Variants in ZNF407 observed in about 807,000 individuals in gnomAD.
The protein encoded by ZNF407 is zinc finger protein 407.
ZNF407 carries 17 observed loss-of-function variants against 131.2 expected under a neutral mutation model. That is an observed-to-expected ratio of 0.13 (90% CI 0.09 to 0.19). ZNF407 has a LOEUF of 0.19. Ranked by LOEUF, ZNF407 falls within the 10% of genes least tolerant of loss-of-function variation. ZNF407 has a pLI of 1.00. For missense variants in ZNF407, 2,681 were observed against 2,830.6 expected, an observed-to-expected ratio of 0.95 and a Z score of 1.20; for synonymous variants, 1,156 against 1,062.0, an observed-to-expected ratio of 1.09 and a Z score of -1.72.
chr18:74,635,374 C>T lies in ZNF407; in HGVS notation c.4355C>T (p.Ser1452Leu), dbSNP rs1275175433. The T allele has an allele frequency of 1.2e-6, 2 of 1,613,798 alleles. No individual in the cohort carries two copies. Among genetic ancestry groups the T allele is most frequent in the Non-Finnish European group, 8.5e-7 (1 of 1,179,862 alleles). Residue 1452 changes from serine to leucine, a missense_variant, in exon 2 of 9, where the codon TCG becomes TTG. Physicochemically the swap from Ser to Leu is moderately radical, Grantham distance 145. Around this residue, in one of 6 missense-constraint regions of ZNF407, gnomAD observed 213 missense variants for 332.2 expected, o/e 0.64. Transcript: ENST00000299687. The surrounding 1 kb of genome is among the most constrained non-coding windows in gnomAD (Gnocchi z 4.7). ...TTCCATTGTTTACTCTGTGGAAAGT[C>T]GTTCTATACCGAAAGCAACCTTCAC... Reference protein sequence around the residue: ...KHFHCLLCGKSFYTESNLHQH... With the variant: ...KHFHCLLCGKLFYTESNLHQH...
chr18:74,980,445 A>G (rs900621954), intron 8 of ZNF407, among the ~76,000 whole-genome samples: 1 of 152,022 alleles, frequency 6.6e-6, no homozygotes, highest in African/African-American at 2.4e-5. Flanking sequence ...GCTGGGATAC[A>G]GGCACCCACT....
At chr18:74,775,696 C>T (rs1323794154) in intron 3 of ZNF407, among the ~76,000 whole-genome samples, 4 of 152,118 alleles carry the variant, frequency 2.6e-5, no homozygotes, top group Non-Finnish European at 4.4e-5. Flanking sequence ...AAATACCTGA[C>T]GCTGAGTAAT....
At chr18:75,026,931 A>G (rs963962168) in intron 8 of ZNF407, among the ~76,000 whole-genome samples, 1 of 152,210 alleles carries the variant, frequency 6.6e-6, no homozygotes, top group Non-Finnish European at 1.5e-5. Context: ...GTACAGGACT[A>G]CATCAGTAAA....
intron 3 of ZNF407, among the ~76,000 whole-genome samples, chr18:74,687,969 A>G (rs974425978): frequency 6.6e-6 from 1 of 152,180 alleles, no homozygotes; most frequent in Non-Finnish European, 1.5e-5. Flanking sequence ...TCTGAATTAA[A>G]AAGATTAGGC....
At chr18:74,927,192 G>GA (rs113604346) in intron 8 of ZNF407, among the ~76,000 whole-genome samples, 10,636 of 152,136 alleles carry the variant, frequency 0.07, 697 homozygotes, top group East Asian at 0.23. Flanking sequence ...TAATGGTTTT[G>GA]AAAAATCTGT....
intron 3 of ZNF407, among the ~76,000 whole-genome samples, chr18:74,721,554 C>T (rs1036038576): frequency 3.3e-5 from 5 of 152,160 alleles, no homozygotes; most frequent in Admixed American, 2.6e-4. Flanking sequence ...TTGCAGGATA[C>T]GCAGTCAGCA....
intron 8 of ZNF407, among the ~76,000 whole-genome samples, chr18:74,960,967 A>G (rs1462042091): frequency 0.043 from 1,859 of 43,110 alleles, no homozygotes; most frequent in Middle Eastern, 0.097. Context: ...GATAGGAGAA[A>G]GTCCTGAGTG....
chr18:74,866,261 T>C (rs1009923537), intron 4 of ZNF407, among the ~76,000 whole-genome samples: 15 of 152,194 alleles, frequency 9.9e-5, no homozygotes, highest in Non-Finnish European at 1.9e-4. Flanking sequence ...TCTAGAAGTG[T>C]AGTGTAACTG....
chr18:74,851,696 C>T (rs966373346), intron 4 of ZNF407, among the ~76,000 whole-genome samples: 2 of 152,102 alleles, frequency 1.3e-5, no homozygotes, highest in Admixed American at 1.3e-4. Flanking sequence ...ATTCCACTGG[C>T]CAGCAGATTT....
chr18:74,859,061 C>T (rs930738073), intron 4 of ZNF407, among the ~76,000 whole-genome samples: 2 of 152,028 alleles, frequency 1.3e-5, no homozygotes, highest in African/African-American at 4.8e-5. Context: ...TTGTACTCCG[C>T]AGTGTACGGT....
At chr18:75,050,426 G>A (rs1443072573) in intron 8 of ZNF407, among the ~76,000 whole-genome samples, 1 of 152,188 alleles carries the variant, frequency 6.6e-6, no homozygotes, top group Non-Finnish European at 1.5e-5. Flanking sequence ...TATGGATACT[G>A]GCAGAAGACA....
intron 8 of ZNF407, among the ~76,000 whole-genome samples, chr18:74,962,066 A>G (rs1483168459): frequency 2.0e-5 from 3 of 152,278 alleles, no homozygotes; most frequent in East Asian, 3.9e-4. Context: ...TTCATTATTC[A>G]TTTAATAAAG....
chr18:74,663,478 G>T (rs562275746), intron 3 of ZNF407, among the ~76,000 whole-genome samples: 1 of 152,236 alleles, frequency 6.6e-6, no homozygotes, highest in East Asian at 1.9e-4. Context: ...ACTAAGGAAA[G>T]AGTAAATGTA....
chr18:75,002,340 G>T (rs1424867024), intron 8 of ZNF407, among the ~76,000 whole-genome samples: 1 of 151,978 alleles, frequency 6.6e-6, no homozygotes, highest in South Asian at 2.1e-4. Context: ...CCTCTCCCTC[G>T]CTAGGAGCCC....
chr18:74,865,688 C>G (rs1192943597), intron 4 of ZNF407, among the ~76,000 whole-genome samples: 1 of 152,106 alleles, frequency 6.6e-6, no homozygotes, highest in Non-Finnish European at 1.5e-5. Flanking sequence ...CTGAATTTAT[C>G]TTTTCAAAAT....
chr18:74,861,362 C>T (rs138368615), intron 4 of ZNF407, among the ~76,000 whole-genome samples: 1 of 152,318 alleles, frequency 6.6e-6, no homozygotes, highest in East Asian at 1.9e-4. Flanking sequence ...TAGTTTGCTT[C>T]TAGTCACTGT....
At chr18:74,852,195 A>ACACACACGCACG (rs1555694782) in intron 4 of ZNF407, among the ~76,000 whole-genome samples, 1 of 61,936 alleles carries the variant, frequency 1.6e-5, no homozygotes, top group African/African-American at 5.5e-5. Context: ...ACACACACAC[A>ACACACACGCACG]CACGCACGCA....
chr18:74,688,290 A>G (rs906796642), intron 3 of ZNF407, among the ~76,000 whole-genome samples: 2 of 152,240 alleles, frequency 1.3e-5, no homozygotes, highest in African/African-American at 4.8e-5. Flanking sequence ...ATACACAACA[A>G]ATAAATTGTA....
chr18:74,730,911 T>C (rs1968280250), intron 3 of ZNF407, among the ~76,000 whole-genome samples: 1 of 152,198 alleles, frequency 6.6e-6, no homozygotes, highest in Non-Finnish European at 1.5e-5. Context: ...TTAAGAATTT[T>C]TGATGTTGAA....
Sources: gnomAD v4.1 joint callset for allele counts (sites outside exome capture counted in the v4.1 genomes callset) on GRCh38, gnomAD v4.1.1 for gene constraint, gnomAD v4.1.1 regional missense constraint, Gnocchi (gnomAD v3.1) non-coding constraint, MANE v1.5 for transcripts, NCBI Gene and HGNC (gene_info 2026-07-23, HGNC 2026-07-21) for gene names.